The following SMKR1 variants were observed in gnomAD, a reference collection of about 807,000 sequenced individuals.
SMKR1 encodes small lysine rich protein 1, also known as small lysine-rich protein 1.
In SMKR1, 4 loss-of-function variants were observed where a neutral mutation model predicts 4.0. The ratio of observed to expected loss-of-function variants is 1.00; its 90% CI spans 0.49 to 2.30. SMKR1 has a LOEUF of 2.30. Among genes scored for constraint, SMKR1 ranks in the 30% most tolerant of loss-of-function variants. SMKR1 has a pLI of 0.02. For synonymous variants in SMKR1, 38 were observed against 32.5 expected (o/e 1.17, Z -0.58); for missense variants, 56 against 81.8 (o/e 0.68, Z 1.22).
chr7:129,510,642 C>T (rs546264362), intron 1 of SMKR1, among the ~76,000 whole-genome samples: 7 of 152,138 alleles, frequency 4.6e-5, no homozygotes, highest in East Asian at 3.9e-4. Context: ...GTGAGAGGAT[C>T]GCTTGAGCCT....
intron 1 of SMKR1, among the ~76,000 whole-genome samples, chr7:129,506,029 G>A (rs1161059410): frequency 6.6e-6 from 1 of 152,152 alleles, no homozygotes; most frequent in Non-Finnish European, 1.5e-5. Context: ...CCACAAAGTT[G>A]TATTGAACCA....
In SMKR1 at chr7:129,512,639, GT is replaced by G; in HGVS notation, c.*204del. 3.6e-6 allele frequency: 2 copies of G among 560,956 alleles called. No individual in the cohort carries two copies. The highest frequency in any genetic ancestry group is 3.3e-5 in the East Asian group (1 of 29,922). 34.7% of individuals were successfully genotyped at this position (560,956 alleles called of 1,614,324 possible). A position where few individuals can be genotyped will look rare whatever the true frequency, so the allele number is the denominator to read the frequency against. On this transcript the variant is annotated 3_prime_UTR_variant, in exon 2 of 2. Transcript: ENST00000462322. ...ATGCCAGATATGGTTAGCCACTTTG[GT>G]TTTTTAGGAGCTATAGGATGGGAAA...
intron 1 of SMKR1, among the ~76,000 whole-genome samples, chr7:129,503,829 C>CTT (rs11404964): frequency 0.022 from 2,804 of 126,216 alleles, 122 homozygotes; most frequent in African/African-American, 0.055. Context: ...GAGCTATTAC[C>CTT]TTTTTTTTTT....
chr7:129,511,523 C>G (rs1191463654), intron 1 of SMKR1, among the ~76,000 whole-genome samples: 1 of 152,186 alleles, frequency 6.6e-6, no homozygotes. Context: ...AATTCCTTGA[C>G]ATGATCAGAT....
chr7:129,504,271 CTACCTT>C (rs1799442287), intron 1 of SMKR1, among the ~76,000 whole-genome samples: 1 of 152,248 alleles, frequency 6.6e-6, no homozygotes, highest in African/African-American at 2.4e-5. Flanking sequence ...GGAACCTTGC[CTACCTT>C]TCCTTCCTTA....
chr7:129,505,628 G>A (rs1001469989), intron 1 of SMKR1, among the ~76,000 whole-genome samples: 3 of 151,882 alleles, frequency 2.0e-5, no homozygotes, highest in Admixed American at 6.6e-5. Context: ...ACAGGCACCC[G>A]CCACCGTGCC....
At chr7:129,504,591 T>G (rs1389462513) in intron 1 of SMKR1, among the ~76,000 whole-genome samples, 1 of 151,974 alleles carries the variant, frequency 6.6e-6, no homozygotes, top group East Asian at 1.9e-4. Context: ...TTTGCTTTGT[T>G]GCCCAGGCTG....
At chr7:129,504,754 A>G (rs1348978709) in intron 1 of SMKR1, among the ~76,000 whole-genome samples, 2 of 152,128 alleles carry the variant, frequency 1.3e-5, no homozygotes, top group Admixed American at 6.5e-5. Context: ...GGATTTTGCC[A>G]TCTTTCCCAG....
chr7:129,503,645 C>T (rs1799435517), intron 1 of SMKR1, among the ~76,000 whole-genome samples: 1 of 152,160 alleles, frequency 6.6e-6, no homozygotes, highest in Non-Finnish European at 1.5e-5. Flanking sequence ...GCCCACAGCC[C>T]TTTGCACCTC....
At chr7:129,505,518 G>A (rs1197104460) in intron 1 of SMKR1, among the ~76,000 whole-genome samples, 1 of 149,528 alleles carries the variant, frequency 6.7e-6, no homozygotes, top group Non-Finnish European at 1.5e-5. Context: ...CACTCTTGTC[G>A]CCCAGGCTGG....
At chr7:129,502,930 G>A in intron 1 of SMKR1, 103 bp downstream of exon 1, 4 of 1,498,746 alleles carry the variant, frequency 2.7e-6, no homozygotes, top group Non-Finnish European at 3.6e-6. Flanking sequence ...CTCTCCCTGG[G>A]GTCGACCTCA....
chr7:129,506,216 G>A (rs1004480333), intron 1 of SMKR1, among the ~76,000 whole-genome samples: 2 of 152,168 alleles, frequency 1.3e-5, no homozygotes, highest in Admixed American at 1.3e-4. Flanking sequence ...GAGGCGAGAG[G>A]ATAGCTTGAG....
At chr7:129,506,967 C>G (rs1226661719) in intron 1 of SMKR1, among the ~76,000 whole-genome samples, 1 of 149,750 alleles carries the variant, frequency 6.7e-6, no homozygotes, top group African/African-American at 2.5e-5. Flanking sequence ...CTCAGGTGAT[C>G]CTCCCACCTT....
intron 1 of SMKR1, 122 bp downstream of exon 1, chr7:129,502,949 C>T: frequency 7.2e-7 from 1 of 1,390,430 alleles, no homozygotes; most frequent in South Asian, 1.3e-5. Flanking sequence ...CAACGCGTGG[C>T]GAAAAGATGG....
At chr7:129,502,852 C>T (rs1383269852) in intron 1 of SMKR1, 25 bp downstream of exon 1, 21 of 1,534,806 alleles carry the variant, frequency 1.4e-5, no homozygotes, top group Non-Finnish European at 1.6e-5. Flanking sequence ...CCTAAAGTAC[C>T]CGGGGCCAGG....
chr7:129,502,926 C>G (rs1799425726), intron 1 of SMKR1, 99 bp downstream of exon 1: 2 of 1,499,920 alleles, frequency 1.3e-6, no homozygotes, highest in Non-Finnish European at 8.9e-7. Context: ...CCGCCTCTCC[C>G]TGGGGTCGAC....
Position 129,510,313 on chromosome 7 carries a change from G to A in SMKR1, c.4-1934G>A, listed in dbSNP as rs145833264. Among the ~76,000 whole-genome samples the A allele has an allele frequency of 7.4e-3, 1,123 of 152,334 alleles. 10 individuals carry two copies. The highest frequency in any genetic ancestry group is 0.025 in the African/African-American group (1,043 of 41,566). ...ACCTTATGGGGTAGTCATGGAAAGA[G>A]AATAGACACCGAGCCTGGTGGACAC... On this transcript the variant is annotated intron_variant, in intron 1 of 1. Transcript: ENST00000462322.
intron 1 of SMKR1, among the ~76,000 whole-genome samples, chr7:129,510,868 G>T (rs1799519472): frequency 6.6e-6 from 1 of 152,174 alleles, no homozygotes; most frequent in African/African-American, 2.4e-5. Flanking sequence ...GAATGCAGTG[G>T]CGTGATCTCG....
chr7:129,504,678 T>A (rs1799446949), intron 1 of SMKR1, among the ~76,000 whole-genome samples: 1 of 152,258 alleles, frequency 6.6e-6, no homozygotes, highest in African/African-American at 2.4e-5. Flanking sequence ...CTCAGCAGCC[T>A]GAGTACTGGG....
Sources: gnomAD v4.1 joint callset for allele counts (sites outside exome capture counted in the v4.1 genomes callset) on GRCh38, gnomAD v4.1.1 for gene constraint, MANE v1.5 for transcripts, NCBI Gene and HGNC (gene_info 2026-07-23, HGNC 2026-07-21) for gene names.